The following CCNH variants were observed in gnomAD, a reference collection of about 807,000 sequenced individuals.
The protein encoded by CCNH is cyclin-H.
A neutral mutation model predicts 41.9 loss-of-function variants in CCNH; 31 were observed. That is an observed-to-expected ratio of 0.74 (90% CI 0.56 to 1.00). The LOEUF is 1.00. Ranked by LOEUF, CCNH falls within the 50% of genes least tolerant of loss-of-function variation. The pLI is 0.00. For missense variants in CCNH, 362 were observed against 388.4 expected (o/e 0.93, Z 0.57); for synonymous variants, 138 against 136.1 (o/e 1.01, Z -0.10).
intron 4 of CCNH, among the ~76,000 whole-genome samples, chr5:87,405,650 T>C (rs1021542716): frequency 1.3e-5 from 2 of 152,112 alleles, no homozygotes; most frequent in East Asian, 1.9e-4. Flanking sequence ...GACCCACTAC[T>C]CTGACCACAA....
chr5:87,331,409 T>C, intron 9 of CCNH: 1 of 1,613,596 alleles, frequency 6.2e-7, no homozygotes, highest in South Asian at 1.1e-5. Context: ...GGCAGGGAAG[T>C]CTGGCAGTTA....
chr5:87,333,542 G>C (rs1200091405), intron 9 of CCNH, among the ~76,000 whole-genome samples: 1 of 152,156 alleles, frequency 6.6e-6, no homozygotes, highest in Non-Finnish European at 1.5e-5. Flanking sequence ...TGGCCTCAGT[G>C]AATATGATAG....
intron 9 of CCNH, among the ~76,000 whole-genome samples, chr5:87,353,969 G>A (rs1365711088): frequency 2.0e-5 from 3 of 152,284 alleles, no homozygotes; most frequent in African/African-American, 4.8e-5. Flanking sequence ...ATTTTCCTAA[G>A]TGGAAAATGG....
At chr5:87,375,513 G>C (rs1380742351), downstream of CCNH, among the ~76,000 whole-genome samples, 3 of 152,020 alleles carry the variant, frequency 2.0e-5, no homozygotes, top group South Asian at 6.2e-4. Context: ...TGCCGGCCTC[G>C]GCCTCCCAAA....
At chr5:87,331,018 T>C in intron 9 of CCNH, 1 of 1,357,496 alleles carries the variant, frequency 7.4e-7, no homozygotes, top group Non-Finnish European at 9.7e-7. Context: ...GTCTATCTTT[T>C]ATTTTTCTAA....
downstream of CCNH, among the ~76,000 whole-genome samples, chr5:87,314,657 A>T (rs1392127217): frequency 1.3e-5 from 2 of 152,140 alleles, no homozygotes; most frequent in Admixed American, 6.6e-5. Context: ...ATCTGGATTG[A>T]TGTTAATGGC....
downstream of CCNH, chr5:87,390,767 C>T (rs780508708): frequency 1.5e-5 from 24 of 1,566,002 alleles, no homozygotes; most frequent in Non-Finnish European, 2.0e-5. Flanking sequence ...ACCGAGCTTT[C>T]ATTTATTTTC....
chr5:87,376,694 C>A (rs1761349656), exon 1 of CCNH: 1 of 1,317,054 alleles, frequency 7.6e-7, no homozygotes. Context: ...AGATTTTAAA[C>A]CTTGTTTTAT....
intron 9 of CCNH, among the ~76,000 whole-genome samples, chr5:87,336,303 T>G (rs1026461704): frequency 6.6e-6 from 1 of 151,944 alleles, no homozygotes; most frequent in Non-Finnish European, 1.5e-5. Flanking sequence ...TCAGTAGATA[T>G]CCATATAAAT....
intron 9 of CCNH, among the ~76,000 whole-genome samples, chr5:87,319,633 A>G (rs1756627882): frequency 6.6e-6 from 1 of 152,204 alleles, no homozygotes; most frequent in African/African-American, 2.4e-5. Flanking sequence ...GGATGCAGTT[A>G]GCAGCAGGGC....
chr5:87,360,278 C>T (rs947823733), intron 9 of CCNH, among the ~76,000 whole-genome samples: 3 of 152,104 alleles, frequency 2.0e-5, no homozygotes, highest in African/African-American at 7.2e-5. Flanking sequence ...AGGCACGCGC[C>T]ACCACGCCCA....
chr5:87,399,386 TAAC>T lies in CCNH; in HGVS notation c.872+5_872+7del, dbSNP rs1397650218. 7 of 1,590,056 alleles carry T rather than the reference TAAC, an allele frequency of 4.4e-6. No individual in the cohort carries two copies. The Admixed American group carries it at 1.0e-4, about 23-fold the overall frequency. On this transcript the variant is annotated splice_donor_5th_base_variant and intron_variant, in intron 7 of 8. Coordinates refer to ENST00000256897, the MANE Select transcript of CCNH (RefSeq NM_001239.4). ...TGTCTATTGATTAACACTGTCACAT[TAAC>T]TTACGTGATTACGTTAAGTGCAAGC...
At chr5:87,333,404 T>A (rs1200919772) in intron 9 of CCNH, 1 of 1,589,818 alleles carries the variant, frequency 6.3e-7, no homozygotes, top group Non-Finnish European at 8.5e-7. Flanking sequence ...TTATTACTCT[T>A]GGACTAGGAA....
chr5:87,329,867 G>A (rs919790291), intron 9 of CCNH, among the ~76,000 whole-genome samples: 4 of 152,012 alleles, frequency 2.6e-5, no homozygotes, highest in East Asian at 1.9e-4. Flanking sequence ...CTCTTATGTC[G>A]TTAAATTATA....
chr5:87,402,341 C>T (rs1003790305), intron 5 of CCNH, among the ~76,000 whole-genome samples: 5 of 152,128 alleles, frequency 3.3e-5, no homozygotes, highest in African/African-American at 1.2e-4. Context: ...AGGTGTTAAA[C>T]TTACTTATCA....
intron 9 of CCNH, among the ~76,000 whole-genome samples, chr5:87,326,446 C>T (rs1014260619): frequency 1.3e-5 from 2 of 152,108 alleles, no homozygotes; most frequent in African/African-American, 4.8e-5. Context: ...CCATATCTAC[C>T]TGTAAGATTT....
chr5:87,390,711 T>A, downstream of CCNH: 1 of 1,063,610 alleles, frequency 9.4e-7, no homozygotes. Context: ...TCCTTTTGCT[T>A]TGATACAGTT....
chr5:87,376,353 TTC>T, exon 1 of CCNH: 1 of 1,608,502 alleles, frequency 6.2e-7, no homozygotes, highest in Non-Finnish European at 8.5e-7. Flanking sequence ...AATTATCGTG[TTC>T]TCTTTTTAAA....
intron 9 of CCNH, among the ~76,000 whole-genome samples, chr5:87,382,903 G>A (rs997504958): frequency 7.9e-5 from 12 of 151,496 alleles, no homozygotes; most frequent in African/African-American, 1.7e-4. Context: ...GCACCGTAGC[G>A]AGACTCTGCT....
Sources: allele counts gnomAD v4.1 joint callset (sites outside exome capture counted in the v4.1 genomes callset), GRCh38; gene constraint gnomAD v4.1.1; transcripts MANE v1.5; gene names NCBI Gene and HGNC (gene_info 2026-07-23, HGNC 2026-07-21).